PCDHA5: variants seen among roughly 807,000 people sequenced by gnomAD.
PCDHA5 encodes the protein protocadherin alpha-5.
Under a neutral mutation model 61.6 loss-of-function variants are expected in PCDHA5, and 43 were observed. That is an observed-to-expected ratio of 0.70 (90% CI 0.55 to 0.90). PCDHA5 has a LOEUF of 0.90. Ranked by LOEUF, PCDHA5 falls within the 40% of genes least tolerant of loss-of-function variation. The pLI, the probability that PCDHA5 is intolerant of heterozygous loss-of-function variation, is 0.00. For synonymous variants in PCDHA5, 627 were observed against 543.9 expected (o/e 1.15, Z -2.13); for missense variants, 1,298 against 1,222.7 (o/e 1.06, Z -0.92).
chr5:140,863,354 T>C, intron 1 of PCDHA5: 1 of 1,283,244 alleles, frequency 7.8e-7, no homozygotes, highest in Non-Finnish European at 1.1e-6. Flanking sequence ...TACACGACGC[T>C]GCGGTGCTTG....
At chr5:140,954,305 T>C (rs2153702260) in intron 1 of PCDHA5, among the ~76,000 whole-genome samples, 1 of 152,342 alleles carries the variant, frequency 6.6e-6, no homozygotes, top group South Asian at 2.1e-4. Context: ...TACCCAGTAA[T>C]GGGATTGCTG....
At chr5:140,879,329 T>A (rs2057946411) in intron 1 of PCDHA5, among the ~76,000 whole-genome samples, 1 of 152,182 alleles carries the variant, frequency 6.6e-6, no homozygotes, top group Non-Finnish European at 1.5e-5. Context: ...ACTTTTTTAG[T>A]TTGTTCAGCT....
chr5:140,905,342 TGTAA>T (rs2071759657), intron 1 of PCDHA5, among the ~76,000 whole-genome samples: 1 of 152,234 alleles, frequency 6.6e-6, no homozygotes, highest in Non-Finnish European at 1.5e-5. Context: ...ATCAGTTGGC[TGTAA>T]GTATTTGACT....
intron 3 of PCDHA5, among the ~76,000 whole-genome samples, chr5:141,007,519 T>A (rs1554261363): frequency 6.6e-6 from 1 of 151,934 alleles, no homozygotes; most frequent in African/African-American, 2.4e-5. Context: ...AGTGAGCTGA[T>A]ATCTCGCCAC....
At chr5:140,921,379 T>C (rs1186418255) in intron 1 of PCDHA5, among the ~76,000 whole-genome samples, 1 of 152,180 alleles carries the variant, frequency 6.6e-6, no homozygotes, top group Non-Finnish European at 1.5e-5. Context: ...TTTCTACATA[T>C]TTGATAAACA....
At chr5:140,943,974 T>G (rs1356208474) in intron 1 of PCDHA5, among the ~76,000 whole-genome samples, 2 of 152,022 alleles carry the variant, frequency 1.3e-5, no homozygotes, top group African/African-American at 4.8e-5. Flanking sequence ...TTAAAGTAAT[T>G]AAGAAAACAG....
In PCDHA5 at chr5:140,870,903, A is replaced by C. The variant is rs182770106; in HGVS notation, c.2352+46776A>C. On this transcript the variant is annotated intron_variant, in intron 1 of 3. Transcript: ENST00000529859. ...AGGTGCGCGCAGTGGATGCGGACTCAGGCTACAACGCGTGGCTTTCATATG... is the reference window on the plus strand; with the variant it reads ...AGGTGCGCGCAGTGGATGCGGACTCCGGCTACAACGCGTGGCTTTCATATG... 3.9e-4 allele frequency: 622 copies of C among 1,613,930 alleles called. 2 individuals carry two copies. The highest frequency in any genetic ancestry group is 2.8e-3 in the Middle Eastern group (17 of 6,060).
At chr5:140,917,287 G>A (rs190210744) in intron 1 of PCDHA5, among the ~76,000 whole-genome samples, 51 of 147,686 alleles carry the variant, frequency 3.5e-4, no homozygotes, top group Admixed American at 7.7e-4. Flanking sequence ...ACGCTTTTCC[G>A]TGTGCAGATA....
intron 1 of PCDHA5, among the ~76,000 whole-genome samples, chr5:140,917,311 G>T (rs2078013594): frequency 6.7e-6 from 1 of 148,748 alleles, no homozygotes; most frequent in Non-Finnish European, 1.5e-5. Flanking sequence ...GTTACAATTT[G>T]GTGTTCATGT....
chr5:140,891,767 A>C (rs1350557618), intron 1 of PCDHA5, among the ~76,000 whole-genome samples: 2 of 152,156 alleles, frequency 1.3e-5, no homozygotes, highest in African/African-American at 2.4e-5. Context: ...GAGGTGGGGA[A>C]TTTCAGGAAA....
At chr5:140,928,204 G>A (rs1554205615) in intron 1 of PCDHA5, 4 of 1,614,236 alleles carry the variant, frequency 2.5e-6, no homozygotes, top group Middle Eastern at 1.6e-4. Flanking sequence ...AGTTGCTGAT[G>A]TGAATGACAA....
At chr5:140,830,014 C>A (rs2150179616) in intron 1 of PCDHA5, 1 of 1,613,898 alleles carries the variant, frequency 6.2e-7, no homozygotes, top group South Asian at 1.1e-5. Context: ...ACGAAGCGGA[C>A]TCTCCGCGCC....
chr5:140,996,701 A>G (rs782320896), intron 3 of PCDHA5, among the ~76,000 whole-genome samples: 2 of 152,130 alleles, frequency 1.3e-5, no homozygotes, highest in Non-Finnish European at 2.9e-5. Flanking sequence ...CTGAACCTCT[A>G]TCTCTTTGAT....
chr5:140,967,887 T>G, intron 1 of PCDHA5: 1 of 1,614,078 alleles, frequency 6.2e-7, no homozygotes, highest in Non-Finnish European at 8.5e-7. Flanking sequence ...TATAGCCCAG[T>G]GCCTGAGAAT....
intron 3 of PCDHA5, among the ~76,000 whole-genome samples, chr5:140,999,809 CAA>C (rs1350603380): frequency 1.3e-5 from 2 of 152,160 alleles, no homozygotes; most frequent in African/African-American, 2.4e-5. Flanking sequence ...GGGCACAAAG[CAA>C]GAGCTGTGGC....
Position 140,978,929 on chromosome 5 carries a change from C to T in PCDHA5, c.2353-20C>T. 6.2e-7 allele frequency: 1 copy of T among 1,613,998 alleles called. No homozygotes were observed. Among genetic ancestry groups the T allele is most frequent in the Non-Finnish European group, 8.5e-7 (1 of 1,179,996 alleles). On this transcript the variant is annotated intron_variant, in intron 1 of 3. Coordinates refer to ENST00000529859, the MANE Select transcript of PCDHA5 (RefSeq NM_018908.3). ...ATTGTCTTGTCATTTTAACAGAAAACTCTCTTTGTGATTTTGCAGCCACGA... is the reference window on the plus strand; with the variant it reads ...ATTGTCTTGTCATTTTAACAGAAAATTCTCTTTGTGATTTTGCAGCCACGA...
In PCDHA5 at chr5:140,883,587, G is replaced by C. The variant is rs1554178846; in HGVS notation, c.2352+59460G>C. ...TCGCCTTCGCTGTGGGCCACGGCCA[G>C]CGTGTCGGTGGGGGTGGCCGACGTG... On this transcript the variant is annotated intron_variant, in intron 1 of 3. Coordinates refer to ENST00000529859, the MANE Select transcript of PCDHA5 (RefSeq NM_018908.3). 6.2e-7 allele frequency: 1 copy of C among 1,614,030 alleles called. No individual in the cohort carries two copies. Among genetic ancestry groups the C allele is most frequent in the Non-Finnish European group, 8.5e-7 (1 of 1,179,946 alleles).
Position 140,840,931 on chromosome 5 carries a change from G to A in PCDHA5, c.2352+16804G>A, listed in dbSNP as rs2150310219. Among the ~76,000 whole-genome samples the A allele has an allele frequency of 2.6e-5, 4 of 152,056 alleles. No homozygotes were observed. In the South Asian group the frequency reaches 8.3e-4, roughly 32 times the overall value. ...ACTTAAATTTATTATTAATTGATACGATATTTGAAATATTGGGAAGAAATT... is the reference window on the plus strand; with the variant it reads ...ACTTAAATTTATTATTAATTGATACAATATTTGAAATATTGGGAAGAAATT... On this transcript the variant is annotated intron_variant, in intron 1 of 3. Transcript: ENST00000529859.
chr5:140,931,473 A>G (rs2087545332), intron 1 of PCDHA5, among the ~76,000 whole-genome samples: 1 of 152,066 alleles, frequency 6.6e-6, no homozygotes, highest in Admixed American at 6.6e-5. Flanking sequence ...TGACAGAGGA[A>G]AAAACAACCC....
Sources: allele counts gnomAD v4.1 joint callset (sites outside exome capture counted in the v4.1 genomes callset), GRCh38; gene constraint gnomAD v4.1.1; transcripts MANE v1.5; gene names NCBI Gene and HGNC (gene_info 2026-07-23, HGNC 2026-07-21).